The following DENND1A variants were observed in gnomAD, a reference collection of about 807,000 sequenced individuals.
The protein encoded by DENND1A is DENN domain containing 1A.
Under a neutral mutation model 113.7 loss-of-function variants are expected in DENND1A, and 51 were observed. The observed-to-expected ratio is 0.45, with a 90% CI of 0.36 to 0.57. The LOEUF is 0.57. DENND1A is among the 20% of genes least tolerant of loss of function. The pLI, the probability that DENND1A is intolerant of heterozygous loss-of-function variation, is 0.00. For synonymous variants in DENND1A, 565 were observed against 570.8 expected (o/e 0.99, Z 0.14); for missense variants, 1,258 against 1,395.9 (o/e 0.90, Z 1.57).
intron 4 of DENND1A, among the ~76,000 whole-genome samples, chr9:123,760,162 T>C (rs2070917733): frequency 1.3e-5 from 2 of 152,238 alleles, no homozygotes; most frequent in South Asian, 4.1e-4. Context: ...AAATCTATGC[T>C]ATCAATTATT....
chr9:123,701,846 G>C (rs1386791647), intron 5 of DENND1A, among the ~76,000 whole-genome samples: 4 of 152,082 alleles, frequency 2.6e-5, no homozygotes, highest in African/African-American at 7.2e-5. Flanking sequence ...CCAAAACAAA[G>C]CCACAAAAGC....
At chr9:123,611,803 T>C (rs2060429707) in intron 10 of DENND1A, among the ~76,000 whole-genome samples, 2 of 152,180 alleles carry the variant, frequency 1.3e-5, no homozygotes, top group African/African-American at 4.8e-5. Flanking sequence ...ATCTTATGTA[T>C]GTAGACTTTA....
At chr9:123,543,701 T>C (rs1373530393) in intron 13 of DENND1A, among the ~76,000 whole-genome samples, 1 of 152,192 alleles carries the variant, frequency 6.6e-6, no homozygotes, top group Non-Finnish European at 1.5e-5. Flanking sequence ...GGAGCTCCTA[T>C]TCCTCCGGTA....
chr9:123,775,622 C>T (rs529594984), intron 3 of DENND1A, among the ~76,000 whole-genome samples: 5 of 152,272 alleles, frequency 3.3e-5, no homozygotes, highest in African/African-American at 1.2e-4. Context: ...AAAATGTGCA[C>T]AGATGGGCAA....
intron 13 of DENND1A, among the ~76,000 whole-genome samples, chr9:123,481,163 T>C (rs2050304555): frequency 6.6e-6 from 1 of 152,164 alleles, no homozygotes; most frequent in African/African-American, 2.4e-5. Flanking sequence ...CTTTTGAATC[T>C]CCAAATTGGA....
intron 15 of DENND1A, among the ~76,000 whole-genome samples, chr9:123,456,152 C>T (rs1265510732): frequency 6.6e-6 from 1 of 152,020 alleles, no homozygotes; most frequent in Admixed American, 6.5e-5. Context: ...GCTGGGAGGG[C>T]CTGCAATGTT....
intron 13 of DENND1A, among the ~76,000 whole-genome samples, chr9:123,535,158 T>G (rs2055642642): frequency 6.6e-6 from 1 of 152,194 alleles, no homozygotes; most frequent in Non-Finnish European, 1.5e-5. Flanking sequence ...TACCTGACGT[T>G]CACTCTGTTG....
At chr9:123,888,149 G>A (rs1849370510) in intron 1 of DENND1A, among the ~76,000 whole-genome samples, 1 of 152,124 alleles carries the variant, frequency 6.6e-6, no homozygotes, top group Non-Finnish European at 1.5e-5. Flanking sequence ...CACTAAGACA[G>A]GGAACGTGCT....
At chr9:123,814,711 T>A (rs1837177608) in intron 2 of DENND1A, among the ~76,000 whole-genome samples, 1 of 152,152 alleles carries the variant, frequency 6.6e-6, no homozygotes, top group Admixed American at 6.6e-5. Context: ...GTTCTCAAAG[T>A]GTCATGCTAA....
At chr9:123,621,920 C>T (rs776842336) in intron 10 of DENND1A, among the ~76,000 whole-genome samples, 1 of 152,138 alleles carries the variant, frequency 6.6e-6, no homozygotes. Flanking sequence ...TGTTGAAAAT[C>T]CTACATGGAA....
chr9:123,657,175 G>T (rs760254570), intron 8 of DENND1A, among the ~76,000 whole-genome samples: 10 of 152,212 alleles, frequency 6.6e-5, no homozygotes, highest in Non-Finnish European at 1.3e-4. Context: ...TCTCTGCAAA[G>T]AAACGTTGGT....
chr9:123,898,392 T>C (rs1346353216), intron 1 of DENND1A, among the ~76,000 whole-genome samples: 3 of 152,166 alleles, frequency 2.0e-5, no homozygotes, highest in Non-Finnish European at 4.4e-5. Flanking sequence ...TGCAATGACA[T>C]GAACACAGCT....
intron 19 of DENND1A, among the ~76,000 whole-genome samples, chr9:123,417,207 G>A (rs2044805139): frequency 1.3e-5 from 2 of 152,210 alleles, no homozygotes; most frequent in Admixed American, 1.3e-4. Context: ...GATGAAATGG[G>A]ACCACTCCAT....
Position 123,728,304 on chromosome 9 carries a change from C to T in DENND1A, c.302+29399G>A, listed in dbSNP as rs139726853. Among the ~76,000 whole-genome samples the T allele has an allele frequency of 2.8e-3, 421 of 150,678 alleles. 2 individuals are homozygous for T. The highest frequency in any genetic ancestry group is 4.7e-3 in the Non-Finnish European group (318 of 67,598). ...ACTAGTCTGACCAACATGGAGAAAC[C>T]CTGTCTCTACTAAAAATACAAAATT... On this transcript the variant is annotated intron_variant, in intron 5 of 23. Coordinates refer to ENST00000394215, the MANE Select transcript of DENND1A (RefSeq NM_001352964.2).
intron 13 of DENND1A, among the ~76,000 whole-genome samples, chr9:123,481,335 C>T (rs1365326638): frequency 6.6e-6 from 1 of 152,186 alleles, no homozygotes; most frequent in Non-Finnish European, 1.5e-5. Context: ...CCTACCAGGA[C>T]AGTGAGGCTG....
chr9:123,639,777 C>CAAAAAAAAAAAAA (rs199515973), intron 9 of DENND1A, among the ~76,000 whole-genome samples: 33 of 115,612 alleles, frequency 2.9e-4, no homozygotes, highest in Non-Finnish European at 4.6e-4. Flanking sequence ...AACTCCATCT[C>CAAAAAAAAAAAAA]AAAAAAAAAA....
chr9:123,466,310 T>A (rs971845474), intron 13 of DENND1A, among the ~76,000 whole-genome samples: 30 of 151,904 alleles, frequency 2.0e-4, no homozygotes, highest in African/African-American at 7.0e-4. Flanking sequence ...TATTTATTTA[T>A]TTTTTTTGAG....
At chr9:123,412,461 C>A (rs1274978910) in intron 19 of DENND1A, among the ~76,000 whole-genome samples, 1 of 152,232 alleles carries the variant, frequency 6.6e-6, no homozygotes, top group African/African-American at 2.4e-5. Context: ...CCTGCCCCCA[C>A]GGGACCTCTT....
At chr9:123,675,072 C>G (rs187031402) in intron 6 of DENND1A, among the ~76,000 whole-genome samples, 3 of 152,158 alleles carry the variant, frequency 2.0e-5, no homozygotes, top group East Asian at 1.9e-4. Flanking sequence ...ACTTCTTTTA[C>G]GACAGAATCC....
Sources: gnomAD v4.1 joint callset for allele counts (sites outside exome capture counted in the v4.1 genomes callset) on GRCh38, gnomAD v4.1.1 for gene constraint, MANE v1.5 for transcripts, NCBI Gene and HGNC (gene_info 2026-07-23, HGNC 2026-07-21) for gene names.